The following ZNF138 variants were observed in gnomAD, a reference collection of about 807,000 sequenced individuals.
The protein encoded by ZNF138 is zinc finger protein 138.
ZNF138 carries 33 observed loss-of-function variants against 33.0 expected under a neutral mutation model. That is an observed-to-expected ratio of 1.00 (90% CI 0.76 to 1.34). The LOEUF (loss-of-function observed/expected upper bound fraction) is 1.34. Among genes scored for constraint, ZNF138 ranks in the 40% most tolerant of loss-of-function variants. The pLI is 0.00. For missense variants in ZNF138, 360 were observed against 370.8 expected (o/e 0.97, Z 0.24); for synonymous variants, 139 against 120.4 (o/e 1.15, Z -1.01).
the ZNF138 span, chr7:64,852,822 AG>A: frequency 1.2e-6 from 1 of 840,620 alleles, no homozygotes; most frequent in African/African-American, 1.7e-5. Context: ...CTGGGCTGAC[AG>A]ACAGTGGTAG....
chr7:64,834,083 A>G (rs1583911342), downstream of ZNF138, among the ~76,000 whole-genome samples: 1 of 152,224 alleles, frequency 6.6e-6, no homozygotes, highest in Non-Finnish European at 1.5e-5. Context: ...CATTAGAAAC[A>G]TAAAGAGGGT....
chr7:64,847,351 G>A, the ZNF138 span, among the ~76,000 whole-genome samples: 1 of 80,362 alleles, frequency 1.2e-5, no homozygotes, highest in African/African-American at 5.5e-5. Context: ...TTTTTTTTCT[G>A]CAGTTCTTGG....
intron 1 of ZNF138, among the ~76,000 whole-genome samples, chr7:64,806,905 T>C (rs1387675713): frequency 6.6e-6 from 1 of 152,182 alleles, no homozygotes; most frequent in Non-Finnish European, 1.5e-5. Context: ...CCCCAAAAAC[T>C]GGCCATAAGC....
chr7:64,841,650 G>T, the ZNF138 span, among the ~76,000 whole-genome samples: 1 of 152,234 alleles, frequency 6.6e-6, no homozygotes, highest in East Asian at 1.9e-4. Flanking sequence ...AGTTTTGTTT[G>T]TCTTATTATG....
the ZNF138 span, chr7:64,852,978 C>T: frequency 7.0e-7 from 1 of 1,435,926 alleles, no homozygotes; most frequent in Admixed American, 1.7e-5. Context: ...TTATTACTGA[C>T]TCCAAGGAGC....
chr7:64,817,541 C>G (rs1333714458), intron 3 of ZNF138, among the ~76,000 whole-genome samples: 1 of 152,150 alleles, frequency 6.6e-6, no homozygotes, highest in Non-Finnish European at 1.5e-5. Flanking sequence ...TGGGGTCTTG[C>G]TACATAACCC....
chr7:64,829,318 C>T (rs1789894813), intron 3 of ZNF138, among the ~76,000 whole-genome samples: 1 of 151,536 alleles, frequency 6.6e-6, no homozygotes, highest in South Asian at 2.1e-4. Flanking sequence ...AATTATATTG[C>T]TCTCTATGTG....
At chr7:64,841,976 G>T in the ZNF138 span, among the ~76,000 whole-genome samples, 15,585 of 152,228 alleles carry the variant, frequency 0.1, 934 homozygotes, top group East Asian at 0.26. Context: ...TTTAATATTT[G>T]CTAGAAAATG....
the ZNF138 span, among the ~76,000 whole-genome samples, chr7:64,840,453 T>C: frequency 7.3e-6 from 1 of 137,692 alleles, no homozygotes; most frequent in Non-Finnish European, 1.5e-5. Flanking sequence ...TTTTTGTGTG[T>C]ACATAGTATC....
the ZNF138 span, chr7:64,852,438 C>T: frequency 6.3e-7 from 1 of 1,577,394 alleles, no homozygotes; most frequent in South Asian, 1.1e-5. Context: ...TGAGTGGCCA[C>T]TTGTGGTGCA....
chr7:64,818,310 A>G (rs1446201737), intron 3 of ZNF138, among the ~76,000 whole-genome samples: 2 of 152,120 alleles, frequency 1.3e-5, no homozygotes, highest in Non-Finnish European at 2.9e-5. Context: ...ATATAAGCAG[A>G]GGCTCTAACT....
chr7:64,812,851 T>C (rs199956594), intron 1 of ZNF138, among the ~76,000 whole-genome samples: 2 of 540 alleles, frequency 3.7e-3, no homozygotes, highest in Non-Finnish European at 0.1. Context: ...AAAAATTGCC[T>C]TTTTTTTTTT....
chr7:64,834,381 A>T (rs1790303913), downstream of ZNF138, among the ~76,000 whole-genome samples: 1 of 152,244 alleles, frequency 6.6e-6, no homozygotes, highest in South Asian at 2.1e-4. Context: ...CAAACATTGC[A>T]CTAAGTAAAT....
At chr7:64,817,400 G>A (rs1036226204) in intron 3 of ZNF138, among the ~76,000 whole-genome samples, 20 of 145,424 alleles carry the variant, frequency 1.4e-4, no homozygotes, top group Non-Finnish European at 2.4e-4. Context: ...AGCCAAGAAC[G>A]GGAATCTTGC....
chr7:64,806,523 C>T (rs1787612010), intron 1 of ZNF138, among the ~76,000 whole-genome samples: 1 of 152,200 alleles, frequency 6.6e-6, no homozygotes. Context: ...CTCCACCCAT[C>T]CAGTACCTAA....
chr7:64,813,210 G>A (rs1788323486), intron 1 of ZNF138, among the ~76,000 whole-genome samples: 1 of 152,058 alleles, frequency 6.6e-6, no homozygotes, highest in African/African-American at 2.4e-5. Flanking sequence ...AGTAAAGAAG[G>A]AGAACATGTA....
At chr7:64,827,486 C>T (rs1789736488) in intron 3 of ZNF138, among the ~76,000 whole-genome samples, 1 of 151,992 alleles carries the variant, frequency 6.6e-6, no homozygotes, top group African/African-American at 2.4e-5. Flanking sequence ...CCTCGTGATC[C>T]ATCCGCCTCG....
intron 3 of ZNF138, among the ~76,000 whole-genome samples, chr7:64,822,799 G>T (rs192577514): frequency 6.6e-6 from 1 of 152,060 alleles, no homozygotes; most frequent in Non-Finnish European, 1.5e-5. Context: ...AAAAGATTGC[G>T]CTATTAGAAT....
At chr7:64,858,658 T>C in the ZNF138 span, among the ~76,000 whole-genome samples, 1 of 152,188 alleles carries the variant, frequency 6.6e-6, no homozygotes, top group Non-Finnish European at 1.5e-5. Context: ...TCACCCCCTG[T>C]CGCAGGCAAT....
Sources: gnomAD v4.1 joint callset for allele counts (sites outside exome capture counted in the v4.1 genomes callset) on GRCh38, gnomAD v4.1.1 for gene constraint, MANE v1.5 for transcripts, NCBI Gene and HGNC (gene_info 2026-07-23, HGNC 2026-07-21) for gene names.